The following FRMD3 variants were observed in gnomAD, a reference collection of about 807,000 sequenced individuals.
FRMD3 encodes FERM domain-containing protein 3.
A neutral mutation model predicts 70.2 loss-of-function variants in FRMD3; 33 were observed. The ratio of observed to expected loss-of-function variants is 0.47; its 90% CI spans 0.36 to 0.63. The LOEUF is 0.63. Among genes scored for constraint, FRMD3 ranks in the 20% least tolerant of loss-of-function variants. FRMD3 has a pLI of 0.00. For missense variants in FRMD3, 632 were observed against 711.4 expected (o/e 0.89, Z 1.27); for synonymous variants, 279 against 255.9 (o/e 1.09, Z -0.86).
intron 8 of FRMD3, among the ~76,000 whole-genome samples, chr9:83,311,385 G>A (rs1835349062): frequency 6.6e-6 from 1 of 152,006 alleles, no homozygotes; most frequent in Non-Finnish European, 1.5e-5. Flanking sequence ...CGTTTGCTCT[G>A]TGAGCTGATT....
intron 1 of FRMD3, among the ~76,000 whole-genome samples, chr9:83,461,919 T>G (rs1159035978): frequency 6.6e-6 from 1 of 152,036 alleles, no homozygotes; most frequent in Non-Finnish European, 1.5e-5. Context: ...ACTCCTGACT[T>G]CAAGTTATCC....
At chr9:83,265,183 G>C (rs1003654274) in intron 13 of FRMD3, among the ~76,000 whole-genome samples, 1 of 152,006 alleles carries the variant, frequency 6.6e-6, no homozygotes, top group African/African-American at 2.4e-5. Context: ...GGCGGATCAC[G>C]AGGTCAGGAG....
intron 1 of FRMD3, among the ~76,000 whole-genome samples, chr9:83,473,749 C>A (rs148964905): frequency 6.6e-6 from 1 of 152,192 alleles, no homozygotes; most frequent in Non-Finnish European, 1.5e-5. Context: ...TTTATGCCAA[C>A]GTCCACTTTC....
chr9:83,442,809 C>T (rs1481942263), intron 1 of FRMD3, among the ~76,000 whole-genome samples: 1 of 152,124 alleles, frequency 6.6e-6, no homozygotes, highest in Non-Finnish European at 1.5e-5. Context: ...CCCTCTCCTC[C>T]CCATCTCATT....
At chr9:83,555,742 A>G in the FRMD3 span, among the ~76,000 whole-genome samples, 63 of 152,178 alleles carry the variant, frequency 4.1e-4, no homozygotes, top group Non-Finnish European at 7.5e-4. Flanking sequence ...GGAAAGCCCA[A>G]GTATCTAAGG....
At chr9:83,302,235 G>A (rs922589998) in intron 10 of FRMD3, among the ~76,000 whole-genome samples, 2 of 152,140 alleles carry the variant, frequency 1.3e-5, no homozygotes, top group African/African-American at 4.8e-5. Flanking sequence ...AGGTTCTCAG[G>A]CTTGATCATG....
chr9:83,516,484 G>T (rs1829458064), intron 1 of FRMD3, among the ~76,000 whole-genome samples: 1 of 152,114 alleles, frequency 6.6e-6, no homozygotes, highest in South Asian at 2.1e-4. Flanking sequence ...AGTTCTTAGA[G>T]AACTACAAAG....
intron 6 of FRMD3, among the ~76,000 whole-genome samples, chr9:83,329,763 C>T (rs554794179): frequency 1.4e-4 from 22 of 152,284 alleles, no homozygotes; most frequent in African/African-American, 5.3e-4. Context: ...ATCAAAACTG[C>T]TTTACTGCCA....
At chr9:83,550,687 AGT>A in the FRMD3 span, among the ~76,000 whole-genome samples, 8,841 of 138,768 alleles carry the variant, frequency 0.064, 413 homozygotes, top group Admixed American at 0.14. Flanking sequence ...AGTCCTAGGT[AGT>A]GTGTGTGTGT....
intron 1 of FRMD3, among the ~76,000 whole-genome samples, chr9:83,476,218 T>C: frequency 6.6e-6 from 1 of 152,054 alleles, no homozygotes; most frequent in Non-Finnish European, 1.5e-5. Flanking sequence ...ACCCCGTCCC[T>C]ACTAAAAATA....
intron 2 of FRMD3, among the ~76,000 whole-genome samples, chr9:83,381,690 C>T (rs566765741): frequency 5.9e-5 from 9 of 152,204 alleles, no homozygotes; most frequent in South Asian, 2.1e-4. Flanking sequence ...AGAAACACTG[C>T]GCAAATCAGG....
intron 1 of FRMD3, among the ~76,000 whole-genome samples, chr9:83,456,727 C>A (rs1382039130): frequency 6.6e-6 from 1 of 152,128 alleles, no homozygotes; most frequent in Non-Finnish European, 1.5e-5. Context: ...CACCTGTAAT[C>A]CCAGCACTTT....
At chr9:83,560,698 G>T in the FRMD3 span, among the ~76,000 whole-genome samples, 2 of 152,216 alleles carry the variant, frequency 1.3e-5, no homozygotes, top group African/African-American at 4.8e-5. Flanking sequence ...ACAGTTAGGT[G>T]TTGACATGTG....
chr9:83,384,639 T>C (rs1825459496), intron 2 of FRMD3, among the ~76,000 whole-genome samples: 1 of 152,184 alleles, frequency 6.6e-6, no homozygotes, highest in South Asian at 2.1e-4. Flanking sequence ...TGACCTTGCA[T>C]CCATGATTTC....
chr9:83,465,463 C>T (rs1312288369), intron 1 of FRMD3, among the ~76,000 whole-genome samples: 1 of 152,178 alleles, frequency 6.6e-6, no homozygotes, highest in Non-Finnish European at 1.5e-5. Flanking sequence ...TCCAGTCCCC[C>T]TTCTTTCCTT....
chr9:83,450,264 GAC>G (rs1359053451), intron 1 of FRMD3, among the ~76,000 whole-genome samples: 6 of 150,316 alleles, frequency 4.0e-5, no homozygotes, highest in Admixed American at 6.6e-5. Context: ...CAGCTTCTCA[GAC>G]ACAGCCGCAT....
chr9:83,279,476 A>C (rs576107101), intron 13 of FRMD3: 15 of 152,190 alleles, frequency 9.9e-5, no homozygotes, highest in Non-Finnish European at 1.9e-4. Context: ...AAGGAATATA[A>C]ATCATTCTAT....
chr9:83,393,714 C>A (rs1027282032), intron 1 of FRMD3, among the ~76,000 whole-genome samples: 1 of 151,962 alleles, frequency 6.6e-6, no homozygotes. Context: ...CCATGAGAAT[C>A]TAATGCTGCC....
At chr9:83,381,383 T>C (rs1825347668) in intron 2 of FRMD3, among the ~76,000 whole-genome samples, 1 of 152,078 alleles carries the variant, frequency 6.6e-6, no homozygotes, top group Admixed American at 6.6e-5. Context: ...GGTGAAACCC[T>C]GTCTCTACTA....
Sources: gnomAD v4.1 joint callset for allele counts (sites outside exome capture counted in the v4.1 genomes callset) on GRCh38, gnomAD v4.1.1 for gene constraint, MANE v1.5 for transcripts, NCBI Gene and HGNC (gene_info 2026-07-23, HGNC 2026-07-21) for gene names.